Variants in TRPM5 observed in about 807,000 individuals in gnomAD.
The protein encoded by TRPM5 is MLSN1 and TRP-related.
Under a neutral mutation model 124.9 loss-of-function variants are expected in TRPM5, and 121 were observed. The ratio of observed to expected loss-of-function variants is 0.97; its 90% CI spans 0.84 to 1.13. The LOEUF is 1.13. TRPM5 is among the 50% of genes most tolerant of loss of function. The probability of loss-of-function intolerance (pLI) is 0.00; values close to 1 mark genes in which losing one functional copy is unlikely to be tolerated. For missense variants in TRPM5, 1,643 were observed against 1,589.1 expected (o/e 1.03, Z -0.58); for synonymous variants, 781 against 700.5 (o/e 1.11, Z -1.81).
upstream of TRPM5, among the ~76,000 whole-genome samples, chr11:2,425,608 G>T (rs1845834200): frequency 6.6e-6 from 1 of 152,362 alleles, no homozygotes; most frequent in East Asian, 1.9e-4. Flanking sequence ...GGTGGGATGT[G>T]TGCTTGTAGC....
rs1172697266 is a variant in TRPM5 at position 2,418,514 on chromosome 11, G to A, written c.714+13C>T. 1 of 1,607,850 alleles carries A rather than the reference G, an allele frequency of 6.2e-7. No individual in the cohort carries two copies. Among genetic ancestry groups the A allele is most frequent in the African/African-American group, 1.3e-5 (1 of 74,790 alleles). On this transcript the variant is annotated intron_variant, in intron 5 of 23. Coordinates refer to ENST00000155858, the Ensembl canonical transcript of TRPM5. ...GGCTTCGGCCAGCCAGGGGGCCTCA[G>A]CCAGGCCCCTACCTCCAAGGTGTTG...
intron 4 of TRPM5, among the ~76,000 whole-genome samples, chr11:2,418,894 C>T (rs1206596190): frequency 2.6e-5 from 4 of 152,230 alleles, no homozygotes; most frequent in African/African-American, 4.8e-5. Context: ...TGCACTGCCA[C>T]ACTGCACGCG....
intron 12 of TRPM5, 107 bp downstream of exon 17, chr11:2,413,954 C>A: frequency 6.9e-7 from 1 of 1,455,572 alleles, no homozygotes; most frequent in Non-Finnish European, 9.3e-7. Flanking sequence ...GTGCTGAGGA[C>A]GGGAGTGACA....
At chr11:2,443,054 T>C in the TRPM5 span, among the ~76,000 whole-genome samples, 3 of 152,220 alleles carry the variant, frequency 2.0e-5, no homozygotes, top group Non-Finnish European at 4.4e-5. The surrounding 1 kb of genome is among the most constrained non-coding windows in gnomAD (Gnocchi z 5.0). Flanking sequence ...ATTTTTCTTA[T>C]TTTATCTGTT....
Position 2,421,028 on chromosome 11 carries a change from G to A in TRPM5, c.465+4C>T. On this transcript the variant is annotated splice_donor_region_variant and intron_variant, in intron 3 of 23. Transcript: ENST00000155858. ...GGTCGTGGTGCTGGGAGCTGGACGT[G>A]CACCTGGGCCTCCTCCAGAATGCGG... is the stretch of plus-strand genomic sequence containing the variant. 1 of 1,537,196 alleles carries A rather than the reference G, an allele frequency of 6.5e-7. No homozygotes were observed. The highest frequency in any genetic ancestry group is 8.7e-7 in the Non-Finnish European group (1 of 1,144,694).
chr11:2,411,690 T>C (rs1229376701), exon 17 of TRPM5: 2 of 1,612,578 alleles, frequency 1.2e-6, no homozygotes, highest in Non-Finnish European at 8.5e-7. Context: ...GGCAAAGATA[T>C]GGATCAGCCG....
chr11:2,432,911 T>G, the TRPM5 span, among the ~76,000 whole-genome samples: 1 of 152,200 alleles, frequency 6.6e-6, no homozygotes, highest in African/African-American at 2.4e-5. Context: ...AGCCATGCAG[T>G]GGGGCAGCAG....
chr11:2,441,060 G>A, the TRPM5 span, among the ~76,000 whole-genome samples: 4 of 152,240 alleles, frequency 2.6e-5, no homozygotes, highest in South Asian at 8.3e-4. The surrounding 1 kb of genome is among the most constrained non-coding windows in gnomAD (Gnocchi z 7.2). Context: ...TGAGTGCCAT[G>A]TTTCCAGAAG....
rs771235281 is a variant in TRPM5 at position 2,414,713 on chromosome 11, A to G, written c.1744+2T>C. ...GCCCGGCCCCAGCCGCCGGTCACTC[A>G]CCAAGGGCCAGCCGCTCGTATTTCG... On this transcript the variant is annotated splice_donor_variant, in intron 11 of 23. Coordinates refer to ENST00000155858, the Ensembl canonical transcript of TRPM5. LOFTEE classifies it high-confidence loss of function. 6.5e-7 allele frequency: 1 copy of G among 1,533,842 alleles called. No homozygotes were observed. The highest frequency in any genetic ancestry group is 8.8e-7 in the Non-Finnish European group (1 of 1,140,100).
At chr11:2,443,260 A>C in the TRPM5 span, among the ~76,000 whole-genome samples, 1 of 152,170 alleles carries the variant, frequency 6.6e-6, no homozygotes, top group Non-Finnish European at 1.5e-5. The surrounding 1 kb of genome is among the most constrained non-coding windows in gnomAD (Gnocchi z 5.0). Flanking sequence ...ATGACTGTCC[A>C]GTTGTCCAAA....
At chr11:2,423,088 C>T, upstream of TRPM5, 1 of 1,427,912 alleles carries the variant, frequency 7.0e-7, no homozygotes, top group Non-Finnish European at 9.7e-7. Context: ...CTGAGAAGGC[C>T]CATCCCCACC....
chr11:2,407,119 C>T (rs745708236), exon 20 of TRPM5: 3 of 1,404,310 alleles, frequency 2.1e-6, no homozygotes, highest in Non-Finnish European at 2.9e-6. Context: ...TCGGCCTCAC[C>T]CAGGTGCTCC....
the TRPM5 span, among the ~76,000 whole-genome samples, chr11:2,438,348 C>T: frequency 1.3e-5 from 2 of 152,174 alleles, no homozygotes; most frequent in Non-Finnish European, 2.9e-5. This position sits in a 1 kb window ranked among gnomAD's most constrained non-coding sequence, Gnocchi z 5.9. Context: ...GGAGATGACG[C>T]ATCTCCACAA....
At chr11:2,416,162 C>CAG (rs1845672408) in intron 7 of TRPM5, 138 bp from the exon 13 acceptor site, 1 of 617,002 alleles carries the variant, frequency 1.6e-6, no homozygotes, top group African/African-American at 1.8e-5. Flanking sequence ...GGCACATGCG[C>CAG]CACCTCTGAG....
chr11:2,417,965 G>A, intron 6 of TRPM5, 136 bp from the exon 12 acceptor site: 1 of 1,022,514 alleles, frequency 9.8e-7, no homozygotes, highest in Non-Finnish European at 1.4e-6. Flanking sequence ...CCGCCCACCG[G>A]GCCCGGCCTG....
the TRPM5 span, among the ~76,000 whole-genome samples, chr11:2,442,376 TACACACACACACACACAC>T: frequency 4.4e-4 from 62 of 141,256 alleles, no homozygotes; most frequent in East Asian, 5.1e-3. This position sits in a 1 kb window ranked among gnomAD's most constrained non-coding sequence, Gnocchi z 5.9. Context: ...CATTCTTTGA[TACACACACACACACACAC>T]ACACACACAC....
chr11:2,420,933 C>T (rs975919497), intron 3 of TRPM5, 99 bp downstream of exon 8: 7 of 1,319,860 alleles, frequency 5.3e-6, no homozygotes, highest in Non-Finnish European at 6.0e-6. Context: ...TCCTCCAGCT[C>T]GAGTCCTGTC....
At chr11:2,414,316 G>T (rs1200165476) in intron 11 of TRPM5, 110 bp from the exon 17 acceptor site, 21 of 1,428,698 alleles carry the variant, frequency 1.5e-5, no homozygotes, top group Middle Eastern at 2.5e-4. Flanking sequence ...CGCACCCTGC[G>T]TTCAACACGC....
the TRPM5 span, among the ~76,000 whole-genome samples, chr11:2,431,395 G>GT: frequency 6.6e-6 from 1 of 152,124 alleles, no homozygotes; most frequent in Non-Finnish European, 1.5e-5. Context: ...CCTACAGCAG[G>GT]TTCTGCCAGT....
Sources: gnomAD v4.1 joint callset for allele counts (sites outside exome capture counted in the v4.1 genomes callset) on GRCh38, gnomAD v4.1.1 for gene constraint, Gnocchi (gnomAD v3.1) non-coding constraint, MANE v1.5 for transcripts, NCBI Gene and HGNC (gene_info 2026-07-23, HGNC 2026-07-21) for gene names.